The following RASGEF1B variants were observed in gnomAD, a reference collection of about 807,000 sequenced individuals.
RASGEF1B encodes RasGEF domain family member 1B.
RASGEF1B carries 30 observed loss-of-function variants against 65.7 expected under a neutral mutation model. The observed-to-expected ratio is 0.46, with a 90% CI of 0.34 to 0.62. The LOEUF is 0.62. Among genes scored for constraint, RASGEF1B ranks in the 20% least tolerant of loss-of-function variants. The pLI, the probability that RASGEF1B is intolerant of heterozygous loss-of-function variation, is 0.01. For missense variants in RASGEF1B, 495 were observed against 580.1 expected, an observed-to-expected ratio of 0.85 and a Z score of 1.51; for synonymous variants, 175 against 194.8, an observed-to-expected ratio of 0.90 and a Z score of 0.85.
intron 13 of RASGEF1B, among the ~76,000 whole-genome samples, chr4:81,431,355 C>T (rs1001252488): frequency 6.6e-6 from 1 of 151,714 alleles, no homozygotes; most frequent in East Asian, 1.9e-4. Context: ...AGGCATTAGC[C>T]AAACCTTCTT....
At position 81,427,760 on chromosome 4, in the gene RASGEF1B, C is replaced by T; in HGVS notation, c.*8G>A. 1 of 1,613,822 alleles carries T rather than the reference C, an allele frequency of 6.2e-7. No individual in the cohort carries two copies. Reference sequence around the variant, plus strand: ...CAGCAGCAGCAGCAGGCAGGCAGCTCCCATGTGTTAAACTCTGCCTAAGAG... The same window carrying T: ...CAGCAGCAGCAGCAGGCAGGCAGCTTCCATGTGTTAAACTCTGCCTAAGAG... On this transcript the variant is annotated 3_prime_UTR_variant, in exon 14 of 14. Coordinates refer to ENST00000264400, the MANE Select transcript of RASGEF1B (RefSeq NM_152545.3).
chr4:81,434,207 C>T (rs1395137770), intron 11 of RASGEF1B, among the ~76,000 whole-genome samples: 1 of 151,998 alleles, frequency 6.6e-6, no homozygotes, highest in Non-Finnish European at 1.5e-5. Context: ...TGCGAACCAC[C>T]ACGACTAGCT....
At position 81,445,770 on chromosome 4, in the gene RASGEF1B, G is replaced by T; in HGVS notation, c.798C>A (p.Ser266Arg). The change falls in exon 7 of 14, where the codon AGC becomes AGA. Residue 266 changes from serine (S) to arginine (R), a missense_variant. Coordinates refer to ENST00000264400, the MANE Select transcript of RASGEF1B (RefSeq NM_152545.3). ...EAYVEWFNRLSYLVATEICMP... is the reference protein window; with the variant it reads ...EAYVEWFNRLRYLVATEICMP... ...TACAGATTTCTGTAGCAACCAAGTA[G>T]CTGAGGCGATTAAACCATTCCACGT... 6.2e-7 allele frequency: 1 copy of T among 1,614,004 alleles called. No individual in the cohort carries two copies. Among genetic ancestry groups the T allele is most frequent in the Non-Finnish European group, 8.5e-7 (1 of 1,179,880 alleles).
chr4:81,442,045 G>A (rs1481048381), intron 9 of RASGEF1B, among the ~76,000 whole-genome samples: 2 of 152,162 alleles, frequency 1.3e-5, no homozygotes, highest in Non-Finnish European at 2.9e-5. Context: ...GACATATAAG[G>A]TGATGTGACT....
chr4:81,470,389 C>G (rs1477797559), intron 1 of RASGEF1B, among the ~76,000 whole-genome samples: 2 of 152,160 alleles, frequency 1.3e-5, no homozygotes, highest in Non-Finnish European at 2.9e-5. Context: ...TAAGGCATAG[C>G]CATCACATGC....
intron 1 of RASGEF1B, among the ~76,000 whole-genome samples, chr4:81,466,782 G>GA (rs1395982507): frequency 1.5e-5 from 2 of 136,488 alleles, no homozygotes; most frequent in African/African-American, 5.8e-5. Context: ...AAGAAAGAAA[G>GA]AAAGAAAGAA....
rs1219573989 is a variant in RASGEF1B, at chr4:81,426,875, A to C, written c.*893T>G. Reference sequence around the variant, plus strand: ...AGATCCTTAAAGTCAGCTCATTTAAATTTACAAGAGAAAAATAACAGGCAT... The same window carrying C: ...AGATCCTTAAAGTCAGCTCATTTAACTTTACAAGAGAAAAATAACAGGCAT... On this transcript the variant is annotated 3_prime_UTR_variant, in exon 14 of 14. Transcript: ENST00000264400. 6.6e-6 allele frequency: 1 copy of C among 151,634 alleles called. No individual in the cohort carries two copies. The highest frequency in any genetic ancestry group is 1.5e-5 in the Non-Finnish European group (1 of 67,906). The allele number at this position is 151,634 out of a possible 1,614,324, so 9.4% of individuals were successfully genotyped here. A position where few individuals can be genotyped will look rare whatever the true frequency, so the allele number is the denominator to read the frequency against.
chr4:81,459,355 G>T lies in RASGEF1B; in HGVS notation c.154C>A (p.Pro52Thr). The T allele has an allele frequency of 1.2e-6, 2 of 1,605,230 alleles. No homozygotes were observed. The highest frequency in any genetic ancestry group is 8.5e-7 in the Non-Finnish European group (1 of 1,177,498). The part of the protein sequence containing the change: ...SLEALIQHLV[P>T]NVDYYPDRTY... Reference sequence around the variant, plus strand: ...ACATCTGGATAGTAATCCACATTAGGTACTAAGTGCTGGATGAGTGCTTCC... The same window carrying T: ...ACATCTGGATAGTAATCCACATTAGTTACTAAGTGCTGGATGAGTGCTTCC... Residue 52 changes from proline to threonine, a missense_variant, in exon 2 of 14, where the codon CCT becomes ACT. By Grantham distance (38) the Pro-to-Thr change is conservative. Coordinates refer to ENST00000264400, the MANE Select transcript of RASGEF1B (RefSeq NM_152545.3).
At chr4:81,438,207 AC>A (rs1721711694) in intron 10 of RASGEF1B, among the ~76,000 whole-genome samples, 1 of 152,214 alleles carries the variant, frequency 6.6e-6, no homozygotes, top group Non-Finnish European at 1.5e-5. Flanking sequence ...ACCTACAGAA[AC>A]AAAAAAAACA....
At chr4:81,444,545 T>TC (rs1721952647) in intron 8 of RASGEF1B, among the ~76,000 whole-genome samples, 1 of 152,102 alleles carries the variant, frequency 6.6e-6, no homozygotes, top group Non-Finnish European at 1.5e-5. Flanking sequence ...TTCTTCTTCT[T>TC]CCTTTTTTTT....
At chr4:81,468,089 G>C (rs1241740679) in intron 1 of RASGEF1B, among the ~76,000 whole-genome samples, 2 of 152,120 alleles carry the variant, frequency 1.3e-5, no homozygotes, top group Admixed American at 6.5e-5. Context: ...ATACTGAACA[G>C]CACAGATATG....
In RASGEF1B at chr4:81,447,596, A is replaced by C; in HGVS notation, c.655-18T>G. ...AGCCTCTCCTGAAACACAAACCCAG[A>C]AGGTCAACAGTATTAAAGAAAATGA... is the stretch of plus-strand genomic sequence containing the variant. On this transcript the variant is annotated intron_variant, in intron 5 of 13. Transcript: ENST00000264400. 1 of 1,602,030 alleles carries C rather than the reference A, an allele frequency of 6.2e-7. No individual in the cohort carries two copies. The highest frequency in any genetic ancestry group is 8.6e-7 in the Non-Finnish European group (1 of 1,169,086).
rs560989387 is a variant in RASGEF1B, at chr4:81,427,534, T to A, written c.*234A>T. ...GCCGGGATTTTTAGAGGATTCTTTC[T>A]CAAGTGTCTTCAGTGAACATTTCAG... On this transcript the variant is annotated 3_prime_UTR_variant, in exon 14 of 14. Coordinates refer to ENST00000264400, the MANE Select transcript of RASGEF1B (RefSeq NM_152545.3). The A allele has an allele frequency of 2.3e-5, 11 of 468,298 alleles. No individual in the cohort carries two copies. The Admixed American group carries it at 3.5e-4, about 15-fold the overall frequency. The allele number at this position is 468,298 out of a possible 1,614,324, so 29.0% of individuals were successfully genotyped here.
At chr4:81,454,546 C>G (rs1039269878) in intron 4 of RASGEF1B, 4 of 152,206 alleles carry the variant, frequency 2.6e-5, no homozygotes, top group Admixed American at 1.3e-4. Context: ...CCAGCACTGA[C>G]CCTGCCAAGG....
intron 12 of RASGEF1B, among the ~76,000 whole-genome samples, 169 bp from the exon 13 acceptor site, chr4:81,432,540 T>G (rs770376060): frequency 6.6e-6 from 1 of 152,182 alleles, no homozygotes; most frequent in Non-Finnish European, 1.5e-5. Context: ...AATATCACTT[T>G]GCCTCTGACT....
Position 81,443,755 on chromosome 4 carries a change from A to C in RASGEF1B, c.929-1379T>G, listed in dbSNP as rs59142056. On this transcript the variant is annotated intron_variant, in intron 8 of 13. Transcript: ENST00000264400. ...TGTTCTTTTACAAATCTTTCTGTGG[A>C]CATGTGTTGGCATTTTCATGGAGTA... 7.8e-3 allele frequency among the ~76,000 whole-genome samples: 1,190 copies of C among 152,306 alleles called. 24 individuals are homozygous for C. Among genetic ancestry groups the C allele is most frequent in the African/African-American group, 0.027 (1,141 of 41,572 alleles).
chr4:81,427,640 G>A lies in RASGEF1B; in HGVS notation c.*128C>T. On this transcript the variant is annotated 3_prime_UTR_variant, in exon 14 of 14. Coordinates refer to ENST00000264400, the MANE Select transcript of RASGEF1B (RefSeq NM_152545.3). The stretch of plus-strand genomic sequence containing the variant: ...CTTGAGTGAGCTTGTGTGCTTTGCT[G>A]ACCCGGGTGCTCCAATGACTGCAGG... 1.0e-6 allele frequency: 1 copy of A among 957,410 alleles called. No homozygotes were observed. Among genetic ancestry groups the A allele is most frequent in the Non-Finnish European group, 1.6e-6 (1 of 641,384 alleles). The allele number at this position is 957,410 out of a possible 1,614,324, so 59.3% of individuals were successfully genotyped here. A position where few individuals can be genotyped will look rare whatever the true frequency, so the allele number is the denominator to read the frequency against.
chr4:81,464,998 C>A (rs1183497451), intron 1 of RASGEF1B, among the ~76,000 whole-genome samples: 1 of 151,294 alleles, frequency 6.6e-6, no homozygotes, highest in African/African-American at 2.4e-5. Flanking sequence ...GCGGGAGAAT[C>A]GCTTGACCCT....
At position 81,447,496 on chromosome 4, in the gene RASGEF1B, C is replaced by T; in HGVS notation, c.729+8G>A. ...GTTTCAGTGCTGACCTTTGGGTAGA[C>T]TGATTACCTTGTCATTATCCAAAGG... On this transcript the variant is annotated splice_region_variant and intron_variant, in intron 6 of 13. Coordinates refer to ENST00000264400, the MANE Select transcript of RASGEF1B (RefSeq NM_152545.3). The T allele has an allele frequency of 6.2e-7, 1 of 1,610,788 alleles. No individual in the cohort carries two copies. Among genetic ancestry groups the T allele is most frequent in the Non-Finnish European group, 8.5e-7 (1 of 1,177,008 alleles).
Sources: gnomAD v4.1 joint callset for allele counts (sites outside exome capture counted in the v4.1 genomes callset) on GRCh38, gnomAD v4.1.1 for gene constraint, MANE v1.5 for transcripts, NCBI Gene and HGNC (gene_info 2026-07-23, HGNC 2026-07-21) for gene names.